PCSK9: variants seen among roughly 807,000 people sequenced by gnomAD.
The protein encoded by PCSK9 is proprotein convertase subtilisin/kexin type 9, also known as convertase subtilisin/kexin type 9 preproprotein.
A neutral mutation model predicts 62.1 loss-of-function variants in PCSK9; 57 were observed. That is an observed-to-expected ratio of 0.92 (90% CI 0.74 to 1.14). The LOEUF is 1.14. PCSK9 is among the 50% of genes most tolerant of loss of function. The pLI is 0.00. For synonymous variants in PCSK9, 387 were observed against 409.4 expected, an observed-to-expected ratio of 0.95 and a Z score of 0.66; for missense variants, 870 against 959.8, an observed-to-expected ratio of 0.91 and a Z score of 1.24.
chr1:55,045,295 G>T (rs1415370322), intron 2 of PCSK9, among the ~76,000 whole-genome samples: 1 of 152,142 alleles, frequency 6.6e-6, no homozygotes, highest in Non-Finnish European at 1.5e-5. Flanking sequence ...TACCAGCCTG[G>T]GTTCGAGTCC....
chr1:55,061,240 C>CA (rs1644756431), intron 10 of PCSK9, 135 bp from the exon 11 acceptor site: 1 of 1,037,480 alleles, frequency 9.6e-7, no homozygotes, highest in Non-Finnish European at 1.4e-6. Flanking sequence ...GCCAGCATCT[C>CA]TTTTTTTCTT....
intron 5 of PCSK9, 44 bp from the exon 6 acceptor site, chr1:55,055,949 G>A (rs1462518643): frequency 6.5e-7 from 1 of 1,539,396 alleles, no homozygotes; most frequent in Non-Finnish European, 8.9e-7. Flanking sequence ...TGGGAAAGGG[G>A]AGCAGGTCTC....
rs1007223180 is a variant in PCSK9 at position 55,039,989 on chromosome 1, G to T, written c.152G>T (p.Gly51Val). The stretch of plus-strand genomic sequence containing the variant: ...CTAGCCTTGCGTTCCGAGGAGGACG[G>T]CCTGGCCGAAGCACCCGAGCACGGA... ...LVLALRSEED[G>V]LAEAPEHGTT... The change falls in exon 1 of 12, where the codon GGC becomes GTC. Residue 51 changes from glycine (G) to valine (V), a missense_variant. Gly to Val is a moderately radical substitution (Grantham distance 109, BLOSUM62 -3). Transcript: ENST00000302118. The T allele has an allele frequency of 6.3e-7, 1 of 1,579,914 alleles. No homozygotes were observed. Among genetic ancestry groups the T allele is most frequent in the Admixed American group, 1.8e-5 (1 of 55,596 alleles).
In PCSK9 at chr1:55,058,194, A is replaced by G; in HGVS notation, c.1339A>G (p.Ser447Gly). 4.3e-6 allele frequency: 7 copies of G among 1,613,018 alleles called. No homozygotes were observed. Among genetic ancestry groups the G allele is most frequent in the Non-Finnish European group, 5.9e-6 (7 of 1,179,860 alleles). ...TPNLVAALPPSTHGAGWQLFC... is the reference protein window; with the variant it reads ...TPNLVAALPPGTHGAGWQLFC... ...CAACCTGGTGGCCGCCCTGCCCCCC[A>G]GCACCCATGGGGCAGGTAAGCAGGA... Residue 447 changes from serine to glycine, a missense_variant, in exon 8 of 12, where the codon AGC (serine) becomes GGC (glycine). Ser to Gly is a moderately conservative substitution (Grantham distance 56). Transcript: ENST00000302118.
intron 1 of PCSK9, among the ~76,000 whole-genome samples, chr1:55,041,117 G>A (rs766432573): frequency 2.2e-4 from 33 of 152,214 alleles, no homozygotes; most frequent in Non-Finnish European, 4.1e-4. Context: ...GGGAGATGAA[G>A]GGAAAGTTCT....
rs558449478 is a variant in PCSK9, at chr1:55,047,930, C to T, written c.523+1284C>T. ...CCACATCAGTGCCTCAGGGACCTCC[C>T]GGAGCAGGCTAATATCAGAGACCAA... On this transcript the variant is annotated intron_variant, in intron 3 of 11. Transcript: ENST00000302118. Among the ~76,000 whole-genome samples the T allele has an allele frequency of 2.6e-4, 40 of 152,266 alleles. No individual in the cohort carries two copies. In the East Asian group the frequency reaches 6.2e-3, roughly 24 times the overall value.
chr1:55,045,264 T>A (rs1215612655), intron 2 of PCSK9, among the ~76,000 whole-genome samples: 1 of 152,074 alleles, frequency 6.6e-6, no homozygotes, highest in Non-Finnish European at 1.5e-5. Flanking sequence ...CATCGAGAGC[T>A]GGACTTCAAA....
In PCSK9 at chr1:55,056,093, C is replaced by T; in HGVS notation, c.900C>T (p.Ala300=). 6.3e-7 allele frequency: 1 copy of T among 1,589,670 alleles called. No individual in the cohort carries two copies. The change falls in exon 6 of 12, where the codon GCC becomes GCT. Residue 300 remains alanine, a synonymous_variant. Coordinates refer to ENST00000302118, the MANE Select transcript of PCSK9 (RefSeq NM_174936.4). Reference sequence around the variant, plus strand: ...GGTACAGCCGCGTCCTCAACGCCGCCTGCCAGCGCCTGGCGAGGGCTGGGG... The same window carrying T: ...GGTACAGCCGCGTCCTCAACGCCGCTTGCCAGCGCCTGGCGAGGGCTGGGG... ...AGGYSRVLNA[A]CQRLARAGVV...
intron 3 of PCSK9, among the ~76,000 whole-genome samples, chr1:55,048,941 G>T (rs943829986): frequency 1.3e-5 from 2 of 152,226 alleles, no homozygotes; most frequent in Non-Finnish European, 2.9e-5. Context: ...AGCACCCACT[G>T]TGCGCCAGGC....
intron 10 of PCSK9, among the ~76,000 whole-genome samples, chr1:55,060,369 GGAATAA>G (rs1281495934): frequency 1.3e-5 from 2 of 152,182 alleles, no homozygotes; most frequent in Non-Finnish European, 2.9e-5. Context: ...ACTCCAGCCT[GGAATAA>G]GAGGCTCAGA....
intron 3 of PCSK9, chr1:55,051,364 T>C: frequency 2.8e-6 from 1 of 362,052 alleles, no homozygotes; most frequent in Non-Finnish European, 5.4e-6. Context: ...CCAGGCCATT[T>C]CCGCTGGCGC....
At chr1:55,042,899 A>T (rs536502255) in intron 1 of PCSK9, among the ~76,000 whole-genome samples, 1 of 152,312 alleles carries the variant, frequency 6.6e-6, no homozygotes, top group Admixed American at 6.5e-5. Context: ...CGTCCTTGTG[A>T]TAATGAGTAA....
Position 55,059,600 on chromosome 1 carries a change from C to T in PCSK9, c.1618C>T (p.Pro540Ser). The change falls in exon 10 of 12, where the codon CCA becomes TCA. Residue 540 changes from proline to serine, a missense_variant. Transcript: ENST00000302118. ...PQANCSVHTAPPAEASMGTRV... is the reference protein window; with the variant it reads ...PQANCSVHTASPAEASMGTRV... ...GGCCAACTGCAGCGTCCACACAGCT[C>T]CACCAGCTGAGGCCAGCATGGGGAC... 1 of 1,553,008 alleles carries T rather than the reference C, an allele frequency of 6.4e-7. No homozygotes were observed.
intron 1 of PCSK9, 67 bp from the exon 2 acceptor site, chr1:55,043,776 G>A: frequency 1.3e-6 from 2 of 1,557,982 alleles, no homozygotes; most frequent in Non-Finnish European, 1.8e-6. Flanking sequence ...GTAGGGGTGA[G>A]ATAAAGTACA....
chr1:55,049,555 T>C (rs975271351), intron 3 of PCSK9, among the ~76,000 whole-genome samples: 3 of 152,286 alleles, frequency 2.0e-5, no homozygotes, highest in African/African-American at 7.2e-5. Context: ...CACAGGGAAC[T>C]AGCAGCCCCT....
chr1:55,047,881 T>G (rs1029057403), intron 3 of PCSK9, among the ~76,000 whole-genome samples: 4 of 152,042 alleles, frequency 2.6e-5, no homozygotes, highest in African/African-American at 9.7e-5. Flanking sequence ...ACCTCTTCAG[T>G]GGAGCCCTGG....
At chr1:55,051,091 T>C (rs999223112) in intron 3 of PCSK9, 13 of 454,896 alleles carry the variant, frequency 2.9e-5, no homozygotes, top group Non-Finnish European at 5.7e-5. Flanking sequence ...CCTTCGCTGC[T>C]GAGTCTGGGA....
At chr1:55,045,633 C>T (rs181482853) in intron 2 of PCSK9, among the ~76,000 whole-genome samples, 4 of 151,738 alleles carry the variant, frequency 2.6e-5, no homozygotes, top group African/African-American at 7.3e-5. Context: ...GGGAATCACC[C>T]GAGGGTTCAC....
rs28362201 is a variant in PCSK9, at chr1:55,039,593, G to C, written c.-245G>C. On this transcript the variant is annotated 5_prime_UTR_variant, in exon 1 of 12. Coordinates refer to ENST00000302118, the MANE Select transcript of PCSK9 (RefSeq NM_174936.4). ...GGTTGCAGGCGGGCGCCGCCGTTCAGTTCAGGGTCTGAGCCTGGAGGAGTG... is the reference window on the plus strand; with the variant it reads ...GGTTGCAGGCGGGCGCCGCCGTTCACTTCAGGGTCTGAGCCTGGAGGAGTG... 161 of 598,162 alleles carry C rather than the reference G, an allele frequency of 2.7e-4. No individual in the cohort carries two copies. Among genetic ancestry groups the C allele is most frequent in the Non-Finnish European group, 3.3e-4 (112 of 338,518 alleles). The allele number at this position is 598,162 out of a possible 1,614,324, so 37.1% of individuals were successfully genotyped here. A position where few individuals can be genotyped will look rare whatever the true frequency, so the allele number is the denominator to read the frequency against.
Sources: gnomAD v4.1 joint callset for allele counts (sites outside exome capture counted in the v4.1 genomes callset) on GRCh38, gnomAD v4.1.1 for gene constraint, MANE v1.5 for transcripts, NCBI Gene and HGNC (gene_info 2026-07-23, HGNC 2026-07-21) for gene names.